KIAA2012: variants seen among roughly 807,000 people sequenced by gnomAD.
KIAA2012 encodes KIAA2012, also known as uncharacterized protein KIAA2012.
KIAA2012 carries 125 observed loss-of-function variants against 150.6 expected under a neutral mutation model. That is an observed-to-expected ratio of 0.83 (90% CI 0.72 to 0.96). The LOEUF (loss-of-function observed/expected upper bound fraction) is 0.96. KIAA2012 is among the 40% of genes least tolerant of loss of function. The probability of loss-of-function intolerance (pLI) is 0.00; values close to 1 mark genes in which losing one functional copy is unlikely to be tolerated. For missense variants in KIAA2012, 1,219 were observed against 1,354.9 expected (o/e 0.90, Z 1.57); for synonymous variants, 462 against 504.7 (o/e 0.92, Z 1.13).
rs1436596373 is a variant in KIAA2012, at chr2:202,196,996, G to A, written c.3384G>A (p.Thr1128=). ...CAAGACTGGCTCTGGAAGAAGCCACGAAACAAGCCCAGGAACAAGCCAGGT... is the reference window on the plus strand; with the variant it reads ...CAAGACTGGCTCTGGAAGAAGCCACAAAACAAGCCCAGGAACAAGCCAGGT... ...EAARLALEEA[T]KQAQEQARQK... The change falls in exon 22 of 24, where the codon ACG becomes ACA. Residue 1128 remains threonine, a synonymous_variant. Coordinates refer to ENST00000498697, the MANE Select transcript of KIAA2012 (RefSeq NM_001277372.4). 17 of 1,550,468 alleles carry A rather than the reference G, an allele frequency of 1.1e-5. No homozygotes were observed. Among genetic ancestry groups the A allele is most frequent in the Middle Eastern group, 1.7e-4 (1 of 6,000 alleles).
chr2:202,186,594 G>T (rs1040683729), intron 16 of KIAA2012, among the ~76,000 whole-genome samples: 1 of 152,164 alleles, frequency 6.6e-6, no homozygotes, highest in African/African-American at 2.4e-5. Flanking sequence ...TTTCTTAAAG[G>T]TCACTTTCTT....
chr2:202,111,867 GT>G (rs1473316673), intron 10 of KIAA2012, among the ~76,000 whole-genome samples: 1 of 152,124 alleles, frequency 6.6e-6, no homozygotes, highest in African/African-American at 2.4e-5. Context: ...ATGTCAGTGT[GT>G]TTGTAAGTGT....
At chr2:202,155,081 C>A (rs1387493047) in intron 14 of KIAA2012, among the ~76,000 whole-genome samples, 2 of 152,168 alleles carry the variant, frequency 1.3e-5, no homozygotes, top group Non-Finnish European at 2.9e-5. Context: ...CTTTAAACCA[C>A]CTCATAAAAC....
intron 13 of KIAA2012, among the ~76,000 whole-genome samples, chr2:202,154,056 G>T (rs764230961): frequency 3.3e-5 from 5 of 152,202 alleles, no homozygotes; most frequent in Admixed American, 6.5e-5. Flanking sequence ...CCTTTGTACA[G>T]CCCAGAAGCT....
In KIAA2012 at chr2:202,125,204, T is replaced by A. The variant is rs1379160140; in HGVS notation, c.1763-10T>A. The A allele has an allele frequency of 6.5e-7, 1 of 1,548,480 alleles. No individual in the cohort carries two copies. Among genetic ancestry groups the A allele is most frequent in the Non-Finnish European group, 8.7e-7 (1 of 1,145,328 alleles). On this transcript the variant is annotated splice_polypyrimidine_tract_variant and intron_variant, in intron 11 of 23. Coordinates refer to ENST00000498697, the MANE Select transcript of KIAA2012 (RefSeq NM_001277372.4). Reference sequence around the variant, plus strand: ...CCCGCTCTCAGGTAAAATATCTTACTGTTTTTCAGCCTATGAATCTGTCAA... The same window carrying A: ...CCCGCTCTCAGGTAAAATATCTTACAGTTTTTCAGCCTATGAATCTGTCAA...
chr2:202,091,329 G>A (rs1392583165), intron 3 of KIAA2012, among the ~76,000 whole-genome samples: 1 of 152,176 alleles, frequency 6.6e-6, no homozygotes, highest in Admixed American at 6.5e-5. Flanking sequence ...AGCAGAGCTG[G>A]GACCAGAAGT....
At chr2:202,094,777 C>T (rs1313649923) in intron 4 of KIAA2012, among the ~76,000 whole-genome samples, 1 of 152,168 alleles carries the variant, frequency 6.6e-6, no homozygotes, top group African/African-American at 2.4e-5. Flanking sequence ...CCTTGGCCTC[C>T]CAAAGTGCTG....
chr2:202,111,948 C>T (rs1459553618), intron 10 of KIAA2012, among the ~76,000 whole-genome samples: 1 of 152,126 alleles, frequency 6.6e-6, no homozygotes, highest in East Asian at 1.9e-4. Flanking sequence ...AGCTGGACTC[C>T]TGGACTCTTT....
chr2:202,109,589 C>A, intron 9 of KIAA2012, 24 bp from the exon 10 acceptor site: 1 of 1,503,030 alleles, frequency 6.7e-7, no homozygotes. Context: ...CTCACACAGG[C>A]TTTTTCCCCT....
chr2:202,174,246 T>C (rs867044251), intron 15 of KIAA2012, among the ~76,000 whole-genome samples: 9 of 152,204 alleles, frequency 5.9e-5, no homozygotes, highest in South Asian at 2.1e-4. Flanking sequence ...ATTACAGGCA[T>C]GCGGCACTGC....
chr2:202,190,544 C>T (rs565369055), intron 19 of KIAA2012, 51 bp downstream of exon 19: 9 of 1,358,616 alleles, frequency 6.6e-6, no homozygotes, highest in African/African-American at 2.9e-5. Context: ...TCTCACTTGG[C>T]GCGACTGCAA....
rs746550834 is a variant in KIAA2012, at chr2:202,190,288, A to G, written c.2606A>G (p.Asp869Gly). 9 of 1,550,560 alleles carry G rather than the reference A, an allele frequency of 5.8e-6. No individual in the cohort carries two copies. The highest frequency in any genetic ancestry group is 1.7e-4 in the Middle Eastern group (1 of 5,992). ...LEIAAELSGPDVSYEETEDTS... is the reference protein window; with the variant it reads ...LEIAAELSGPGVSYEETEDTS... ...ATAGCGGCAGAGCTGAGCGGGCCTG[A>G]TGTCAGCTATGAGGAAACAGAAGAC... The change falls in exon 19 of 24, where the codon GAT (aspartate) becomes GGT (glycine). Residue 869 changes from aspartate to glycine, a missense_variant. Coordinates refer to ENST00000498697, the MANE Select transcript of KIAA2012 (RefSeq NM_001277372.4).
chr2:202,190,060 C>T (rs1313299709), intron 18 of KIAA2012, 114 bp from the exon 19 acceptor site: 5 of 829,614 alleles, frequency 6.0e-6, no homozygotes, highest in Non-Finnish European at 7.2e-6. Context: ...TGCTCTCCAG[C>T]TTGGGTGACA....
chr2:202,185,149 T>C (rs975108762), intron 16 of KIAA2012, among the ~76,000 whole-genome samples: 63 of 152,194 alleles, frequency 4.1e-4, no homozygotes, highest in Admixed American at 4.1e-3. Context: ...CCTAGAAAGC[T>C]GAAATCTATC....
intron 10 of KIAA2012, 131 bp downstream of exon 10, chr2:202,109,920 T>C: frequency 1.3e-6 from 1 of 780,498 alleles, no homozygotes. Context: ...ACACTGTTTC[T>C]GATGATGTCA....
chr2:202,196,772 T>G, intron 21 of KIAA2012, 28 bp from the exon 22 acceptor site: 1 of 1,546,638 alleles, frequency 6.5e-7, no homozygotes, highest in South Asian at 1.2e-5. Context: ...TGATCCCTGC[T>G]GAGCCCACCC....
chr2:202,198,763 T>G (rs1019874914), intron 22 of KIAA2012, among the ~76,000 whole-genome samples: 15 of 152,182 alleles, frequency 9.9e-5, no homozygotes, highest in African/African-American at 3.4e-4. Flanking sequence ...CAACGTTAAC[T>G]GTAAATACTT....
At chr2:202,148,619 G>A (rs1038455364) in intron 13 of KIAA2012, among the ~76,000 whole-genome samples, 6 of 152,174 alleles carry the variant, frequency 3.9e-5, no homozygotes, top group African/African-American at 9.6e-5. Flanking sequence ...ATTTGTGTGG[G>A]TGGAAGCCCG....
chr2:202,109,815 G>GA (rs1690300330), intron 10 of KIAA2012, 26 bp downstream of exon 10: 1 of 1,501,234 alleles, frequency 6.7e-7, no homozygotes, highest in East Asian at 2.5e-5. Context: ...GTGCATAGAC[G>GA]CCCCCCACTG....
Sources: allele counts gnomAD v4.1 joint callset (sites outside exome capture counted in the v4.1 genomes callset), GRCh38; gene constraint gnomAD v4.1.1; transcripts MANE v1.5; gene names NCBI Gene and HGNC (gene_info 2026-07-23, HGNC 2026-07-21).